Variants in NBAS observed in about 807,000 individuals in gnomAD.
NBAS encodes NAG/BC035112 fusion.
NBAS carries 219 observed loss-of-function variants against 302.5 expected under a neutral mutation model. That is an observed-to-expected ratio of 0.72 (90% CI 0.65 to 0.81). The LOEUF is 0.81. NBAS is among the 30% of genes least tolerant of loss of function. The pLI is 0.00. For synonymous variants in NBAS, 1,118 were observed against 1,021.6 expected (o/e 1.09, Z -1.80); for missense variants, 2,932 against 2,841.6 (o/e 1.03, Z -0.72).
the NBAS span, among the ~76,000 whole-genome samples, chr2:15,027,108 T>A: frequency 6.6e-6 from 1 of 152,116 alleles, no homozygotes; most frequent in Admixed American, 6.5e-5. Context: ...AACTTTAGGA[T>A]CATTGTCTAA....
At chr2:14,832,585 C>A in the NBAS span, among the ~76,000 whole-genome samples, 3 of 152,302 alleles carry the variant, frequency 2.0e-5, no homozygotes, top group East Asian at 5.8e-4. Flanking sequence ...TTTCAATGAT[C>A]CCAGCCTCCT....
chr2:14,826,511 T>C, the NBAS span, among the ~76,000 whole-genome samples: 2 of 152,326 alleles, frequency 1.3e-5, no homozygotes, highest in South Asian at 2.1e-4. Context: ...AAAAATTCAG[T>C]TCGTAGATGT....
chr2:15,504,277 C>T lies in NBAS; in HGVS notation c.886-64G>A, dbSNP rs2287265. ...AATGACTTATCGTTGTAAAATGTCCCTTTATAATGAAATGAAAACTATAGC... is the reference window on the plus strand; with the variant it reads ...AATGACTTATCGTTGTAAAATGTCCTTTTATAATGAAATGAAAACTATAGC... On this transcript the variant is annotated intron_variant, in intron 10 of 51. Coordinates refer to ENST00000281513, the MANE Select transcript of NBAS (RefSeq NM_015909.4). 0.59 allele frequency: 743,168 copies of T among 1,265,748 alleles called. 223,252 individuals carry two copies. The highest frequency in any genetic ancestry group is 0.63 in the Middle Eastern group (3,383 of 5,380). 78.4% of individuals were successfully genotyped at this position (1,265,748 alleles called of 1,614,324 possible).
chr2:15,034,250 A>AAGAAAG, the NBAS span, among the ~76,000 whole-genome samples: 1 of 93,922 alleles, frequency 1.1e-5, no homozygotes, highest in African/African-American at 4.5e-5. Flanking sequence ...GAAAGAAAGA[A>AAGAAAG]AGAAAGAAAG....
downstream of NBAS, among the ~76,000 whole-genome samples, chr2:15,163,232 T>A (rs1050481620): frequency 2.6e-5 from 4 of 152,170 alleles, no homozygotes; most frequent in African/African-American, 4.8e-5. Flanking sequence ...AGTTGAGAGA[T>A]CCATCACTTT....
chr2:14,922,749 T>G, the NBAS span, among the ~76,000 whole-genome samples: 1 of 152,228 alleles, frequency 6.6e-6, no homozygotes. Context: ...GACAGTAGGC[T>G]TTTTAGAAAG....
chr2:15,319,297 G>A (rs1029435985), intron 38 of NBAS, among the ~76,000 whole-genome samples: 8 of 152,016 alleles, frequency 5.3e-5, no homozygotes, highest in Non-Finnish European at 1.2e-4. Flanking sequence ...GAGAAAGCAG[G>A]AAAGATATAA....
At chr2:15,424,531 T>TGAGAGAAAGACAGGGACAGAGATG in intron 22 of NBAS, 63 bp from the exon 23 acceptor site, 1 of 1,577,848 alleles carries the variant, frequency 6.3e-7, no homozygotes, top group Non-Finnish European at 8.7e-7. Flanking sequence ...TATAATTTTG[T>TGAGAGAAAGACAGGGACAGAGATG]GAGAGAAAGA....
At chr2:15,243,749 A>T (rs1162755389) in intron 44 of NBAS, among the ~76,000 whole-genome samples, 1 of 152,196 alleles carries the variant, frequency 6.6e-6, no homozygotes, top group African/African-American at 2.4e-5. Context: ...TATTACATGA[A>T]GTACTGTCCA....
At chr2:15,059,681 A>T in the NBAS span, among the ~76,000 whole-genome samples, 2 of 152,166 alleles carry the variant, frequency 1.3e-5, no homozygotes, top group Non-Finnish European at 2.9e-5. Flanking sequence ...GAGAAAGGCA[A>T]TCATGTTGGA....
chr2:14,855,901 G>T, the NBAS span, among the ~76,000 whole-genome samples: 1 of 152,200 alleles, frequency 6.6e-6, no homozygotes. Flanking sequence ...GCTGATTGTA[G>T]AGCCCCAGGG....
chr2:15,070,448 G>C, the NBAS span, among the ~76,000 whole-genome samples: 12 of 152,226 alleles, frequency 7.9e-5, no homozygotes, highest in African/African-American at 2.9e-4. Flanking sequence ...AAGTAACTGG[G>C]GTGTTGTTGG....
chr2:14,839,524 T>C, the NBAS span, among the ~76,000 whole-genome samples: 1 of 152,086 alleles, frequency 6.6e-6, no homozygotes, highest in Non-Finnish European at 1.5e-5. Context: ...CCAATGGAGA[T>C]AACAAATCAG....
At chr2:15,192,324 G>GA (rs976540997) in intron 48 of NBAS, among the ~76,000 whole-genome samples, 1 of 150,934 alleles carries the variant, frequency 6.6e-6, no homozygotes, top group Non-Finnish European at 1.5e-5. Context: ...CTTATTGAGT[G>GA]AATTAACTAG....
chr2:15,558,051 T>G (rs1382072246), intron 2 of NBAS, among the ~76,000 whole-genome samples: 6 of 152,222 alleles, frequency 3.9e-5, no homozygotes, highest in African/African-American at 1.2e-4. Context: ...ATACTGGCTT[T>G]GACCTTCATT....
chr2:14,883,981 A>AT, the NBAS span, among the ~76,000 whole-genome samples: 20 of 151,062 alleles, frequency 1.3e-4, no homozygotes, highest in Non-Finnish European at 5.9e-5. Context: ...CAAAAAAAAT[A>AT]AAATAAAATA....
chr2:15,455,008 T>G (rs756610591), intron 21 of NBAS, among the ~76,000 whole-genome samples: 1 of 152,024 alleles, frequency 6.6e-6, no homozygotes, highest in Non-Finnish European at 1.5e-5. Flanking sequence ...GTTCAAGCGA[T>G]TCTCCTGCCT....
At chr2:15,028,548 G>T in the NBAS span, among the ~76,000 whole-genome samples, 33 of 152,090 alleles carry the variant, frequency 2.2e-4, no homozygotes, top group African/African-American at 8.0e-4. Context: ...CATTGTACCG[G>T]AATAAAATCC....
At chr2:15,140,315 C>T in the NBAS span, among the ~76,000 whole-genome samples, 2 of 152,226 alleles carry the variant, frequency 1.3e-5, no homozygotes, top group Non-Finnish European at 2.9e-5. Context: ...GAAAGAGTTG[C>T]CACCATGACC....
Sources: allele counts gnomAD v4.1 joint callset (sites outside exome capture counted in the v4.1 genomes callset), GRCh38; gene constraint gnomAD v4.1.1; transcripts MANE v1.5; gene names NCBI Gene and HGNC (gene_info 2026-07-23, HGNC 2026-07-21).